VTI1A: variants seen among roughly 807,000 people sequenced by gnomAD.
VTI1A encodes vesicle transport through interaction with t-SNAREs homolog 1A.
A neutral mutation model predicts 34.9 loss-of-function variants in VTI1A; 22 were observed. That is an observed-to-expected ratio of 0.63 (90% confidence interval 0.45 to 0.90). The LOEUF is 0.90. Among genes scored for constraint, VTI1A ranks in the 40% least tolerant of loss-of-function variants. The probability of loss-of-function intolerance (pLI) is 0.00; values close to 1 mark genes in which losing one functional copy is unlikely to be tolerated. For missense variants in VTI1A, 268 were observed against 275.6 expected (o/e 0.97, Z 0.20); for synonymous variants, 87 against 97.3 (o/e 0.89, Z 0.62).
chr10:112,848,330 T>C, the VTI1A span, among the ~76,000 whole-genome samples: 1 of 152,182 alleles, frequency 6.6e-6, no homozygotes, highest in African/African-American at 2.4e-5. Flanking sequence ...ATCTCCTCCT[T>C]TGATGAGGAG....
intron 5 of VTI1A, among the ~76,000 whole-genome samples, chr10:112,653,821 A>G (rs1037702820): frequency 3.3e-5 from 5 of 152,240 alleles, no homozygotes; most frequent in South Asian, 4.1e-4. Context: ...CAGGGTTTCA[A>G]CCTACGTGCT....
intron 5 of VTI1A, among the ~76,000 whole-genome samples, chr10:112,587,578 G>C (rs1844210198): frequency 6.6e-6 from 1 of 152,028 alleles, no homozygotes; most frequent in Non-Finnish European, 1.5e-5. Flanking sequence ...GATATCAAAA[G>C]GTACCTCTGC....
At chr10:112,636,324 T>A (rs186727686) in intron 5 of VTI1A, among the ~76,000 whole-genome samples, 4 of 152,338 alleles carry the variant, frequency 2.6e-5, no homozygotes, top group Non-Finnish European at 5.9e-5. Context: ...ACAATTGCAA[T>A]TAATATTACT....
intron 5 of VTI1A, among the ~76,000 whole-genome samples, chr10:112,633,830 T>C (rs1846235761): frequency 6.7e-6 from 1 of 149,918 alleles, no homozygotes; most frequent in African/African-American, 2.5e-5. Flanking sequence ...TTTATTTAAA[T>C]AGCATTATCA....
intron 3 of VTI1A, among the ~76,000 whole-genome samples, chr10:112,502,120 T>C (rs1175025319): frequency 6.7e-6 from 1 of 150,148 alleles, no homozygotes; most frequent in Non-Finnish European, 1.5e-5. Context: ...CTCGACCTCC[T>C]GGACTCAAGC....
At chr10:112,610,464 T>G (rs1199004798) in intron 5 of VTI1A, among the ~76,000 whole-genome samples, 2 of 152,178 alleles carry the variant, frequency 1.3e-5, no homozygotes, top group Non-Finnish European at 2.9e-5. Context: ...TCCAGTCCAA[T>G]TTTTATCTCC....
intron 5 of VTI1A, among the ~76,000 whole-genome samples, chr10:112,582,934 G>C (rs541012918): frequency 6.6e-6 from 1 of 152,202 alleles, no homozygotes; most frequent in Admixed American, 6.5e-5. Flanking sequence ...ATCTCCATCA[G>C]TGACCTGCCC....
intron 7 of VTI1A, among the ~76,000 whole-genome samples, chr10:112,705,798 C>G (rs1018514149): frequency 1.3e-5 from 2 of 152,090 alleles, no homozygotes; most frequent in Admixed American, 1.3e-4. Flanking sequence ...TTCCAAGGAA[C>G]CTTAACATTT....
At chr10:112,618,556 C>T (rs925316121) in intron 5 of VTI1A, among the ~76,000 whole-genome samples, 19 of 37,392 alleles carry the variant, frequency 5.1e-4, no homozygotes, top group Non-Finnish European at 6.3e-4. Flanking sequence ...GAGTAAATGT[C>T]AAAAGGTAAT....
chr10:112,792,050 C>T (rs1288148484), intron 7 of VTI1A, among the ~76,000 whole-genome samples: 2 of 152,002 alleles, frequency 1.3e-5, no homozygotes, highest in East Asian at 1.9e-4. Context: ...CTGAGGCAGG[C>T]GTATCACAAT....
chr10:112,836,197 G>C, the VTI1A span, among the ~76,000 whole-genome samples: 2 of 152,194 alleles, frequency 1.3e-5, no homozygotes, highest in Non-Finnish European at 2.9e-5. Flanking sequence ...TGAATGCTTG[G>C]TCCTGTTCCC....
intron 7 of VTI1A, among the ~76,000 whole-genome samples, chr10:112,751,417 T>A (rs1184995626): frequency 7.0e-6 from 1 of 142,374 alleles, no homozygotes. Flanking sequence ...AATAATTAAC[T>A]CCCTGCTGTT....
chr10:112,695,731 C>G (rs1697152734), intron 7 of VTI1A, among the ~76,000 whole-genome samples: 1 of 152,062 alleles, frequency 6.6e-6, no homozygotes, highest in South Asian at 2.1e-4. Context: ...TCAGCTTGCC[C>G]ACACCCAAGC....
chr10:112,547,258 C>T (rs1451532881), intron 5 of VTI1A, among the ~76,000 whole-genome samples: 4 of 151,728 alleles, frequency 2.6e-5, no homozygotes, highest in African/African-American at 9.7e-5. Flanking sequence ...TACTCCAGCC[C>T]AAGTAACAGG....
At chr10:112,506,294 C>T (rs979500753) in intron 3 of VTI1A, among the ~76,000 whole-genome samples, 1 of 152,098 alleles carries the variant, frequency 6.6e-6, no homozygotes, top group Non-Finnish European at 1.5e-5. Flanking sequence ...AGACTGCCTT[C>T]GTATATGTGG....
intron 5 of VTI1A, among the ~76,000 whole-genome samples, chr10:112,655,622 C>A (rs114137402): frequency 1.8e-3 from 274 of 152,150 alleles, no homozygotes; most frequent in African/African-American, 6.1e-3. Flanking sequence ...CGTGATGAAT[C>A]CTATTCTTGA....
intron 1 of VTI1A, among the ~76,000 whole-genome samples, chr10:112,456,036 A>G (rs1270931097): frequency 2.6e-5 from 4 of 152,058 alleles, no homozygotes; most frequent in African/African-American, 7.2e-5. Flanking sequence ...AGTGGCCCCT[A>G]CCATGTACAG....
intron 7 of VTI1A, among the ~76,000 whole-genome samples, chr10:112,688,825 C>T (rs1222967399): frequency 6.6e-6 from 1 of 152,132 alleles, no homozygotes; most frequent in Non-Finnish European, 1.5e-5. Context: ...AGGCATCAGC[C>T]ACTGTGCCTG....
intron 3 of VTI1A, among the ~76,000 whole-genome samples, chr10:112,479,191 G>A (rs977213375): frequency 1.3e-5 from 2 of 151,982 alleles, no homozygotes; most frequent in African/African-American, 4.8e-5. Flanking sequence ...CAAACAAAAA[G>A]CCACTTTCTT....
Sources: allele counts gnomAD v4.1 joint callset (sites outside exome capture counted in the v4.1 genomes callset), GRCh38; gene constraint gnomAD v4.1.1; transcripts MANE v1.5; gene names NCBI Gene and HGNC (gene_info 2026-07-23, HGNC 2026-07-21).